Variants in TBC1D13 observed in about 807,000 individuals in gnomAD.
The protein encoded by TBC1D13 is TBC1 domain family member 13.
TBC1D13 carries 40 observed loss-of-function variants against 53.6 expected under a neutral mutation model. The ratio of observed to expected loss-of-function variants is 0.75; its 90% CI spans 0.58 to 0.97. TBC1D13 has a LOEUF of 0.97. Ranked by LOEUF, TBC1D13 falls within the 50% of genes least tolerant of loss-of-function variation. The pLI is 0.00. For synonymous variants in TBC1D13, 182 were observed against 197.7 expected, an observed-to-expected ratio of 0.92 and a Z score of 0.67; for missense variants, 377 against 499.4, an observed-to-expected ratio of 0.75 and a Z score of 2.34.
intron 1 of TBC1D13, among the ~76,000 whole-genome samples, 192 bp downstream of exon 1, chr9:128,787,568 C>T (rs1034647155): frequency 6.6e-6 from 1 of 152,216 alleles, no homozygotes; most frequent in South Asian, 2.1e-4. Context: ...TTCTCCTGCC[C>T]CTGATGTCAC....
rs765033275 is a variant in TBC1D13, at chr9:128,803,266, A to G, written c.560A>G (p.Lys187Arg). ...SGVTNMSSPH[K>R]NSVPSSLNEY... ...CTCCTCCAGATGAGCTCCCCACACA[A>G]GAACTCTGTGCCATCATCCCTAAAT... The change falls in exon 8 of 12, where the codon AAG (lysine) becomes AGG (arginine). Residue 187 changes from lysine (K) to arginine (R), a missense_variant. Physicochemically the swap from Lys to Arg is conservative, Grantham distance 26. Transcript: ENST00000372648. 1.9e-6 allele frequency: 3 copies of G among 1,614,106 alleles called. No individual in the cohort carries two copies. The highest frequency in any genetic ancestry group is 3.3e-5 in the Admixed American group (2 of 60,004).
In TBC1D13 at chr9:128,801,952, A is replaced by G. The variant is rs528824748; in HGVS notation, c.544-1298A>G. ...AATTTTTTGTATTTTTGGTAGAGAC[A>G]GGGTTTCACCGTGTTAGCTAGGATG... On this transcript the variant is annotated intron_variant, in intron 7 of 11. Transcript: ENST00000372648. Among the ~76,000 whole-genome samples the G allele has an allele frequency of 5.4e-5, 8 of 148,402 alleles. No individual in the cohort carries two copies. The East Asian group carries it at 8.1e-4, about 15-fold the overall frequency.
At chr9:128,797,852 A>G (rs1829663125) in intron 7 of TBC1D13, among the ~76,000 whole-genome samples, 1 of 152,246 alleles carries the variant, frequency 6.6e-6, no homozygotes, top group African/African-American at 2.4e-5. Flanking sequence ...CCATGCCTGT[A>G]ATCCCAGCAC....
chr9:128,803,440 A>C lies in TBC1D13; in HGVS notation c.734A>C (p.Asp245Ala). 6.2e-7 allele frequency: 1 copy of C among 1,613,784 alleles called. No homozygotes were observed. The highest frequency in any genetic ancestry group is 8.5e-7 in the Non-Finnish European group (1 of 1,179,978). The part of the protein sequence containing the change: ...VGPLYYTFAT[D>A]PNSEWKEHAE... ...CCCCTCTACTACACCTTTGCCACCGACCCCAATAGTGAGTGGAAAGGTAAG... is the reference window on the plus strand; with the variant it reads ...CCCCTCTACTACACCTTTGCCACCGCCCCCAATAGTGAGTGGAAAGGTAAG... Residue 245 changes from aspartate to alanine, a missense_variant, in exon 8 of 12, where the codon GAC becomes GCC. Transcript: ENST00000372648.
At position 128,806,012 on chromosome 9, in the gene TBC1D13, A is replaced by G; in HGVS notation, c.1072A>G (p.Met358Val). The part of the protein sequence containing the change: ...FDFLLLVCCA[M>V]LMLIREQLLE... ...CTTCCTCCTCCTCGTCTGCTGCGCC[A>G]TGCTCATGTGAGTGCGGGCATGAGC... Residue 358 changes from methionine to valine, a missense_variant, in exon 10 of 12, where the codon ATG becomes GTG. Met to Val is a conservative substitution (Grantham distance 21). Transcript: ENST00000372648. The G allele has an allele frequency of 1.9e-6, 3 of 1,613,948 alleles. No individual in the cohort carries two copies. Among genetic ancestry groups the G allele is most frequent in the Non-Finnish European group, 2.5e-6 (3 of 1,179,956 alleles).
intron 2 of TBC1D13, 83 bp downstream of exon 2, chr9:128,788,490 T>A: frequency 7.8e-7 from 1 of 1,278,452 alleles, no homozygotes; most frequent in Non-Finnish European, 1.1e-6. Context: ...CCTGGTCAGC[T>A]CTGGGGCCCA....
chr9:128,807,677 G>A (rs1479852834), intron 11 of TBC1D13, 137 bp from the exon 12 acceptor site: 19 of 846,664 alleles, frequency 2.2e-5, no homozygotes, highest in African/African-American at 1.7e-5. Context: ...GTTGGGGAGT[G>A]TGGGATGCCT....
chr9:128,798,906 G>A (rs755438205), intron 7 of TBC1D13, among the ~76,000 whole-genome samples: 1 of 152,170 alleles, frequency 6.6e-6, no homozygotes, highest in African/African-American at 2.4e-5. Context: ...TAGAGACAGA[G>A]TCTTGCGATG....
intron 7 of TBC1D13, among the ~76,000 whole-genome samples, chr9:128,799,985 C>T (rs138355426): frequency 0.044 from 6,753 of 152,322 alleles, 164 homozygotes; most frequent in Middle Eastern, 0.082. Flanking sequence ...CGCGCCACTG[C>T]ACTCCAGCCT....
intron 6 of TBC1D13, among the ~76,000 whole-genome samples, chr9:128,793,953 CAGG>C (rs1829580499): frequency 6.6e-6 from 1 of 152,166 alleles, no homozygotes; most frequent in Non-Finnish European, 1.5e-5. Context: ...CAGTGTAAGT[CAGG>C]AGACATATAC....
chr9:128,803,527 C>T (rs1265650868), intron 8 of TBC1D13, 67 bp downstream of exon 8: 1 of 1,450,276 alleles, frequency 6.9e-7, no homozygotes, highest in East Asian at 2.3e-5. Context: ...CCTCACTTTC[C>T]CTCTCGGGCC....
chr9:128,796,274 A>G, intron 6 of TBC1D13, among the ~76,000 whole-genome samples: 1 of 148,684 alleles, frequency 6.7e-6, no homozygotes, highest in Admixed American at 6.7e-5. Flanking sequence ...TTTGAGACGG[A>G]GTTTCGCTCT....
chr9:128,804,140 C>A (rs376388168), intron 9 of TBC1D13, 21 bp downstream of exon 9: 200 of 1,611,598 alleles, frequency 1.2e-4, no homozygotes, highest in Middle Eastern at 3.5e-4. Flanking sequence ...CAGGAACAGA[C>A]GGGTGGAAAG....
At position 128,807,927 on chromosome 9, in the gene TBC1D13, T is replaced by A; in HGVS notation, c.*48T>A. On this transcript the variant is annotated 3_prime_UTR_variant, in exon 12 of 12. Transcript: ENST00000372648. ...TCCGGAGAGAAGCCTCCCGACCCTG[T>A]GCCCTGGCTCCCGGGACACATAGAA... The A allele has an allele frequency of 6.3e-7, 1 of 1,578,520 alleles. No individual in the cohort carries two copies. The highest frequency in any genetic ancestry group is 1.1e-5 in the South Asian group (1 of 90,298).
At position 128,808,008 on chromosome 9, in the gene TBC1D13, A is replaced by G. The variant is rs1056574924; in HGVS notation, c.*129A>G. On this transcript the variant is annotated 3_prime_UTR_variant, in exon 12 of 12. Coordinates refer to ENST00000372648, the MANE Select transcript of TBC1D13 (RefSeq NM_018201.5). ...ACAGGATCGGCCCGAGACCCAGGCCATGCCCACTGGGGACACACTGTGCCG... is the reference window on the plus strand; with the variant it reads ...ACAGGATCGGCCCGAGACCCAGGCCGTGCCCACTGGGGACACACTGTGCCG... 16 of 830,480 alleles carry G rather than the reference A, an allele frequency of 1.9e-5. No individual in the cohort carries two copies. Among genetic ancestry groups the G allele is most frequent in the Non-Finnish European group, 3.0e-5 (15 of 501,264 alleles). The allele number at this position is 830,480 out of a possible 1,614,324, so 51.4% of individuals were successfully genotyped here.
chr9:128,804,097 A>T lies in TBC1D13; in HGVS notation c.896A>T (p.Asp299Val). 6.2e-7 allele frequency: 1 copy of T among 1,614,010 alleles called. No individual in the cohort carries two copies. The highest frequency in any genetic ancestry group is 8.5e-7 in the Non-Finnish European group (1 of 1,180,004). Reference protein sequence around the residue: ...EKVYSTLKDKDVELYLKLQEQ... With the variant: ...EKVYSTLKDKVVELYLKLQEQ... ...GTTTACTCCACCTTGAAAGATAAGG[A>T]TGTGGAGCTCTACCTGAAACTGGTG... The change falls in exon 9 of 12, where the codon GAT becomes GTT. Residue 299 changes from aspartate to valine, a missense_variant. Coordinates refer to ENST00000372648, the MANE Select transcript of TBC1D13 (RefSeq NM_018201.5).
At chr9:128,796,021 T>C (rs1395356383) in intron 6 of TBC1D13, among the ~76,000 whole-genome samples, 1 of 152,252 alleles carries the variant, frequency 6.6e-6, no homozygotes, top group African/African-American at 2.4e-5. Context: ...TGGGCATGTA[T>C]ACATATACAA....
chr9:128,804,720 G>GTTTTTTT (rs1170366996), intron 9 of TBC1D13, among the ~76,000 whole-genome samples: 2 of 56,390 alleles, frequency 3.5e-5, no homozygotes, highest in African/African-American at 8.2e-5. Flanking sequence ...TTTTTTTTCT[G>GTTTTTTT]TTTTTTTTTT....
At chr9:128,804,567 C>T (rs1028686563) in intron 9 of TBC1D13, among the ~76,000 whole-genome samples, 4 of 150,956 alleles carry the variant, frequency 2.6e-5, no homozygotes, top group African/African-American at 9.8e-5. Context: ...CCACTGTGCC[C>T]GGCTAATTTT....
Sources: gnomAD v4.1 joint callset for allele counts (sites outside exome capture counted in the v4.1 genomes callset) on GRCh38, gnomAD v4.1.1 for gene constraint, MANE v1.5 for transcripts, NCBI Gene and HGNC (gene_info 2026-07-23, HGNC 2026-07-21) for gene names.